The following KCNQ1 variants were observed in gnomAD, a reference collection of about 807,000 sequenced individuals.
KCNQ1 encodes potassium voltage-gated channel subfamily Q member 1.
A neutral mutation model predicts 72.4 loss-of-function variants in KCNQ1; 49 were observed. That is an observed-to-expected ratio of 0.68 (90% CI 0.54 to 0.86). The LOEUF is 0.86. Among genes scored for constraint, KCNQ1 ranks in the 40% least tolerant of loss-of-function variants. The pLI is 0.00. For synonymous variants in KCNQ1, 450 were observed against 412.6 expected (o/e 1.09, Z -1.10); for missense variants, 790 against 945.1 (o/e 0.84, Z 2.15).
chr11:2,638,921 T>C (rs1340226296), intron 10 of KCNQ1: 1 of 152,230 alleles, frequency 6.6e-6, no homozygotes, highest in Non-Finnish European at 1.5e-5. Flanking sequence ...TTGTTTTTAC[T>C]CTTTTTTCTC....
In KCNQ1 at chr11:2,813,871, G is replaced by A. The variant is rs1847544896; in HGVS notation, c.1795-33896G>A. Among the ~76,000 whole-genome samples the A allele has an allele frequency of 6.6e-6, 1 of 152,026 alleles. No individual in the cohort carries two copies. Among genetic ancestry groups the A allele is most frequent in the Admixed American group, 6.6e-5 (1 of 15,256 alleles). On this transcript the variant is annotated intron_variant, in intron 15 of 15. Coordinates refer to ENST00000155840, the MANE Select transcript of KCNQ1 (RefSeq NM_000218.3). The surrounding 1 kb of genome is among the most constrained non-coding windows in gnomAD (Gnocchi z 4.4). ...TGGACGGGGAGCTGCAGGGAGGGAG[G>A]GTTGCAGAAAGGGATGCGTGGAAGG... is the stretch of plus-strand genomic sequence containing the variant.
Position 2,724,629 on chromosome 11 carries a change from G to A in KCNQ1, c.1515-44215G>A, listed in dbSNP as rs1197517483. On this transcript the variant is annotated intron_variant, in intron 11 of 15. Coordinates refer to ENST00000155840, the MANE Select transcript of KCNQ1 (RefSeq NM_000218.3). The surrounding 1 kb of genome is among the most constrained non-coding windows in gnomAD (Gnocchi z 6.8). ...TCTCCCCTTGGGTGCCATTGCAGCT[G>A]CACCCAAGCCTTGCCCTTCCCTCTC... is the stretch of plus-strand genomic sequence containing the variant. Among the ~76,000 whole-genome samples, 2 of 152,190 alleles carry A rather than the reference G, an allele frequency of 1.3e-5. No individual in the cohort carries two copies. The highest frequency in any genetic ancestry group is 2.9e-5 in the Non-Finnish European group (2 of 68,024).
At chr11:2,630,393 C>G in intron 10 of KCNQ1, 1 of 398,058 alleles carries the variant, frequency 2.5e-6, no homozygotes, top group Admixed American at 4.4e-5. Context: ...TTGTCCTTGT[C>G]TGGCCTTAGT....
At chr11:2,794,799 C>T (rs1255002160) in intron 15 of KCNQ1, among the ~76,000 whole-genome samples, 4 of 152,148 alleles carry the variant, frequency 2.6e-5, no homozygotes, top group Non-Finnish European at 5.9e-5. Flanking sequence ...TCTGAAGCCA[C>T]CACCCAGAAC....
intron 11 of KCNQ1, among the ~76,000 whole-genome samples, chr11:2,743,638 C>T (rs1319585967): frequency 6.6e-6 from 1 of 152,214 alleles, no homozygotes; most frequent in Non-Finnish European, 1.5e-5. Context: ...CCTGCGCAGC[C>T]CTCTCTTACT....
rs778632057 is a variant in KCNQ1, at chr11:2,573,009, T to G, written c.921+23T>G. 4.3e-6 allele frequency: 7 copies of G among 1,610,908 alleles called. No individual in the cohort carries two copies. The South Asian group carries it at 6.6e-5, about 15-fold the overall frequency. On this transcript the variant is annotated intron_variant, in intron 6 of 15. Transcript: ENST00000155840. ...GTGGTAAGTCGGAAACTTCCAGGCATGGGGACAGGGGCAGCTCAGGCTGAG... is the reference window on the plus strand; with the variant it reads ...GTGGTAAGTCGGAAACTTCCAGGCAGGGGGACAGGGGCAGCTCAGGCTGAG...
intron 11 of KCNQ1, among the ~76,000 whole-genome samples, chr11:2,717,128 C>T (rs1189557378): frequency 6.6e-6 from 1 of 152,174 alleles, no homozygotes; most frequent in East Asian, 1.9e-4. Flanking sequence ...GCAGACAACC[C>T]AAGTCTTCCT....
chr11:2,845,773 G>A (rs1346856576), intron 15 of KCNQ1, among the ~76,000 whole-genome samples: 2 of 152,132 alleles, frequency 1.3e-5, no homozygotes, highest in Non-Finnish European at 2.9e-5. Flanking sequence ...TCTGGGCAGG[G>A]CACAGTCCCA....
intron 10 of KCNQ1, chr11:2,648,502 A>G (rs1229294662): frequency 5.0e-6 from 2 of 398,320 alleles, no homozygotes; most frequent in Non-Finnish European, 8.8e-6. Flanking sequence ...GAATTTTTAA[A>G]TTTTTAAAAT....
At chr11:2,585,688 G>C (rs773253322) in intron 8 of KCNQ1, among the ~76,000 whole-genome samples, 1 of 152,226 alleles carries the variant, frequency 6.6e-6, no homozygotes, top group African/African-American at 2.4e-5. Flanking sequence ...AAGGGAGGTA[G>C]GACCCAGCTG....
chr11:2,775,075 G>A (rs879388653), intron 12 of KCNQ1, among the ~76,000 whole-genome samples: 3 of 152,222 alleles, frequency 2.0e-5, no homozygotes, highest in Non-Finnish European at 4.4e-5. Context: ...GTCACCCAGT[G>A]GCCTCTCGGG....
chr11:2,693,425 T>C, intron 11 of KCNQ1: 1 of 398,708 alleles, frequency 2.5e-6, no homozygotes, highest in Non-Finnish European at 4.4e-6. Flanking sequence ...AAGCTTGTTT[T>C]GCCAGGCGCT....
In KCNQ1 at chr11:2,458,868, A is replaced by C. The variant is rs1189175167; in HGVS notation, c.386+13384A>C. Among the ~76,000 whole-genome samples the C allele has an allele frequency of 2.0e-5, 3 of 152,232 alleles. No homozygotes were observed. Among genetic ancestry groups the C allele is most frequent in the Non-Finnish European group, 4.4e-5 (3 of 68,034 alleles). ...CAATGACCAAGAAATAACGGAGAGA[A>C]GGAGGAAAGAATCACCTATCCACCA... On this transcript the variant is annotated intron_variant, in intron 1 of 15. Transcript: ENST00000155840. This position sits in a 1 kb window ranked among gnomAD's most constrained non-coding sequence, Gnocchi z 4.6.
In KCNQ1 at chr11:2,626,574, G is replaced by A. The variant is rs1418567932; in HGVS notation, c.1394-35387G>A. On this transcript the variant is annotated intron_variant, in intron 10 of 15. Coordinates refer to ENST00000155840, the MANE Select transcript of KCNQ1 (RefSeq NM_000218.3). The surrounding 1 kb of genome is among the most constrained non-coding windows in gnomAD (Gnocchi z 4.0). ...CAGACATTCTTACTCTGTTGCCCAC[G>A]CTGGAGTACAGTGGCATTATCACTG... 1.5e-5 allele frequency: 6 copies of A among 398,442 alleles called. No individual in the cohort carries two copies. The highest frequency in any genetic ancestry group is 1.3e-4 in the South Asian group (1 of 7,854). The allele number at this position is 398,442 out of a possible 1,614,324, so 24.7% of individuals were successfully genotyped here.
chr11:2,842,141 G>C (rs535563400), intron 15 of KCNQ1, among the ~76,000 whole-genome samples: 1 of 152,168 alleles, frequency 6.6e-6, no homozygotes, highest in Admixed American at 6.5e-5. Flanking sequence ...GCCTCTGAGC[G>C]GACACACTCA....
At chr11:2,470,196 A>G (rs1846423373) in intron 1 of KCNQ1, among the ~76,000 whole-genome samples, 1 of 152,052 alleles carries the variant, frequency 6.6e-6, no homozygotes, top group South Asian at 2.1e-4. Flanking sequence ...CTTGAAGCAT[A>G]CTCCTCAAAT....
rs1311717248 is a variant in KCNQ1 at position 2,642,488 on chromosome 11, AT to A, written c.1394-19468del. Reference sequence around the variant, plus strand: ...TTATTGATCAGACTGAAGAGTTTTGATTTTTGTATTTCATGGTATGAGTTGT... The same window carrying A: ...TTATTGATCAGACTGAAGAGTTTTGATTTTGTATTTCATGGTATGAGTTGT... On this transcript the variant is annotated intron_variant, in intron 10 of 15. Coordinates refer to ENST00000155840, the MANE Select transcript of KCNQ1 (RefSeq NM_000218.3). The surrounding 1 kb of genome is among the most constrained non-coding windows in gnomAD (Gnocchi z 4.3). The A allele has an allele frequency of 1.0e-5, 4 of 397,696 alleles. No homozygotes were observed. The highest frequency in any genetic ancestry group is 8.2e-5 in the African/African-American group (4 of 48,556). 24.6% of individuals were successfully genotyped at this position (397,696 alleles called of 1,614,324 possible). A position where few individuals can be genotyped will look rare whatever the true frequency, so the allele number is the denominator to read the frequency against.
At chr11:2,744,901 T>C (rs1846114140) in intron 11 of KCNQ1, among the ~76,000 whole-genome samples, 1 of 152,156 alleles carries the variant, frequency 6.6e-6, no homozygotes, top group Non-Finnish European at 1.5e-5. Context: ...CATTCCATCC[T>C]GTCTATGGTG....
rs1390437638 is a variant in KCNQ1 at position 2,724,266 on chromosome 11, G to A, written c.1515-44578G>A. Among the ~76,000 whole-genome samples, 1 of 152,224 alleles carries A rather than the reference G, an allele frequency of 6.6e-6. No homozygotes were observed. Among genetic ancestry groups the A allele is most frequent in the Non-Finnish European group, 1.5e-5 (1 of 68,044 alleles). On this transcript the variant is annotated intron_variant, in intron 11 of 15. Transcript: ENST00000155840. This position sits in a 1 kb window ranked among gnomAD's most constrained non-coding sequence, Gnocchi z 6.8. ...CCTTTGCGGTGTCACCTTTCGGCAT[G>A]TAACCACTTATTCTGTCAGGGAGGA...
Sources: allele counts gnomAD v4.1 joint callset (sites outside exome capture counted in the v4.1 genomes callset), GRCh38; gene constraint gnomAD v4.1.1; non-coding constraint Gnocchi (gnomAD v3.1); transcripts MANE v1.5; gene names NCBI Gene and HGNC (gene_info 2026-07-23, HGNC 2026-07-21).